MSRA: variants seen among roughly 807,000 people sequenced by gnomAD.
MSRA encodes mitochondrial peptide methionine sulfoxide reductase.
A neutral mutation model predicts 31.3 loss-of-function variants in MSRA; 54 were observed. The observed-to-expected ratio is 1.73, with a 90% CI of 1.39 to 2.17. The LOEUF is 2.17. Among genes scored for constraint, MSRA ranks in the 30% most tolerant of loss-of-function variants. The probability of loss-of-function intolerance (pLI) is 0.00; values close to 1 mark genes in which losing one functional copy is unlikely to be tolerated. For synonymous variants in MSRA, 169 were observed against 116.5 expected, an observed-to-expected ratio of 1.45 and a Z score of -2.90; for missense variants, 507 against 300.9, an observed-to-expected ratio of 1.69 and a Z score of -5.07.
chr8:10,152,281 A>G (rs931071132), intron 1 of MSRA, among the ~76,000 whole-genome samples: 1 of 152,254 alleles, frequency 6.6e-6, no homozygotes, highest in South Asian at 2.1e-4. Flanking sequence ...GTATATATAA[A>G]TAAAATTGGA....
chr8:10,113,289 C>CTTTTTTT lies in MSRA; in HGVS notation c.142+58633_142+58634insTTTTTTT, dbSNP rs1467440154. Among the ~76,000 whole-genome samples, 109 of 50,802 alleles carry CTTTTTTT rather than the reference C, an allele frequency of 2.1e-3. 23 individuals are homozygous for CTTTTTTT. Among genetic ancestry groups the CTTTTTTT allele is most frequent in the East Asian group, 2.4e-3 (4 of 1,648 alleles). 33.3% of individuals were successfully genotyped at this position (50,802 alleles called of 152,430 possible). On this transcript the variant is annotated intron_variant, in intron 1 of 5. Coordinates refer to ENST00000317173, the MANE Select transcript of MSRA (RefSeq NM_012331.5). Reference sequence around the variant, plus strand: ...AGGCATGGCTTTGGTGAAGACAGGTCTTCTTTTTTTTTTTTTTTTTTTTTT... The same window carrying CTTTTTTT: ...AGGCATGGCTTTGGTGAAGACAGGTCTTTTTTTTTCTTTTTTTTTTTTTTTTTTTTTT...
intron 1 of MSRA, among the ~76,000 whole-genome samples, chr8:10,161,108 C>T (rs1345949931): frequency 6.6e-6 from 1 of 152,166 alleles, no homozygotes; most frequent in Non-Finnish European, 1.5e-5. Context: ...TCCAGATATC[C>T]ACTTTCTAAA....
chr8:10,405,346 C>G (rs576931477), intron 5 of MSRA, among the ~76,000 whole-genome samples: 57 of 152,280 alleles, frequency 3.7e-4, no homozygotes, highest in African/African-American at 1.3e-3. Context: ...TTGGGCAGCT[C>G]ATTCCAAACC....
At chr8:10,423,788 C>T (rs956234224) in intron 5 of MSRA, among the ~76,000 whole-genome samples, 6 of 152,228 alleles carry the variant, frequency 3.9e-5, no homozygotes, top group African/African-American at 1.4e-4. Context: ...CTTCTCCCTC[C>T]CACCATTCCT....
intron 1 of MSRA, among the ~76,000 whole-genome samples, chr8:10,069,029 G>T (rs556290946): frequency 6.6e-6 from 1 of 152,152 alleles, no homozygotes; most frequent in East Asian, 1.9e-4. Flanking sequence ...GTGTTTTTTT[G>T]ATGTTGATGT....
chr8:10,401,920 C>G (rs1036608270), intron 5 of MSRA, among the ~76,000 whole-genome samples: 1 of 152,066 alleles, frequency 6.6e-6, no homozygotes, highest in Non-Finnish European at 1.5e-5. Flanking sequence ...GAGTTATTAT[C>G]TAATGGGTAA....
chr8:10,067,419 C>T (rs956562284), intron 1 of MSRA, among the ~76,000 whole-genome samples: 2 of 152,160 alleles, frequency 1.3e-5, no homozygotes, highest in African/African-American at 4.8e-5. Context: ...CATTCACCTA[C>T]TGAATAAATA....
chr8:10,194,746 A>T (rs1017691651), intron 1 of MSRA, among the ~76,000 whole-genome samples: 3 of 152,142 alleles, frequency 2.0e-5, no homozygotes, highest in Admixed American at 6.5e-5. Context: ...CTGGGACTGG[A>T]TGCAGTTTAA....
At chr8:10,191,319 G>A (rs1026222644) in intron 1 of MSRA, among the ~76,000 whole-genome samples, 4 of 152,038 alleles carry the variant, frequency 2.6e-5, no homozygotes, top group African/African-American at 9.7e-5. Flanking sequence ...AAACCCCACC[G>A]AAATACAGAA....
At chr8:10,087,213 A>G (rs1798607043) in intron 1 of MSRA, among the ~76,000 whole-genome samples, 1 of 152,194 alleles carries the variant, frequency 6.6e-6, no homozygotes, top group Non-Finnish European at 1.5e-5. Flanking sequence ...AGCATACTAT[A>G]AATACAACAA....
chr8:10,204,963 T>C (rs1003025509), intron 1 of MSRA, among the ~76,000 whole-genome samples: 12 of 152,168 alleles, frequency 7.9e-5, no homozygotes, highest in African/African-American at 2.7e-4. Flanking sequence ...AAAGTGCTAC[T>C]TGGGTGAGTG....
intron 1 of MSRA, among the ~76,000 whole-genome samples, chr8:10,190,067 GCT>G (rs1469535554): frequency 6.6e-6 from 1 of 152,116 alleles, no homozygotes; most frequent in Non-Finnish European, 1.5e-5. Context: ...TTCTGTGTAA[GCT>G]CTGTGATAAG....
intron 1 of MSRA, among the ~76,000 whole-genome samples, chr8:10,102,733 C>A (rs1287285675): frequency 6.6e-6 from 1 of 152,188 alleles, no homozygotes; most frequent in African/African-American, 2.4e-5. Flanking sequence ...TGTTAACAAA[C>A]CTTCTCTGAC....
chr8:10,194,244 C>T (rs929480216), intron 1 of MSRA, among the ~76,000 whole-genome samples: 3 of 152,248 alleles, frequency 2.0e-5, no homozygotes, highest in East Asian at 3.9e-4. Context: ...CATGCTTGAT[C>T]CTCTTAAAAT....
At chr8:10,301,690 A>C (rs1344086371) in intron 4 of MSRA, 52 bp downstream of exon 4, 2 of 1,426,294 alleles carry the variant, frequency 1.4e-6, no homozygotes, top group Non-Finnish European at 2.0e-6. Flanking sequence ...TACAGCTGGG[A>C]TAATTAGTGT....
intron 3 of MSRA, among the ~76,000 whole-genome samples, chr8:10,294,615 G>C (rs201630183): frequency 1.3e-5 from 2 of 152,200 alleles, no homozygotes; most frequent in Non-Finnish European, 2.9e-5. Context: ...CCAGCCATCT[G>C]TCTAGATAGG....
At chr8:10,298,845 A>G (rs1296509300) in intron 3 of MSRA, among the ~76,000 whole-genome samples, 1 of 152,176 alleles carries the variant, frequency 6.6e-6, no homozygotes, top group Non-Finnish European at 1.5e-5. Context: ...TGTAATAATG[A>G]CAGAGTGAAT....
chr8:10,168,352 TC>T, intron 1 of MSRA, among the ~76,000 whole-genome samples: 1 of 152,206 alleles, frequency 6.6e-6, no homozygotes, highest in Non-Finnish European at 1.5e-5. Context: ...ATCCTGGTCT[TC>T]CACGTCGCTG....
intron 1 of MSRA, among the ~76,000 whole-genome samples, chr8:10,112,710 C>T (rs1285193174): frequency 6.6e-6 from 1 of 152,180 alleles, no homozygotes; most frequent in Non-Finnish European, 1.5e-5. Flanking sequence ...AATTCCACGA[C>T]AGAGAAAAAC....
Sources: gnomAD v4.1 joint callset for allele counts (sites outside exome capture counted in the v4.1 genomes callset) on GRCh38, gnomAD v4.1.1 for gene constraint, MANE v1.5 for transcripts, NCBI Gene and HGNC (gene_info 2026-07-23, HGNC 2026-07-21) for gene names.